Variants in C8A observed in about 807,000 individuals in gnomAD.
C8A encodes the protein complement component C8 alpha chain.
Under a neutral mutation model 65.3 loss-of-function variants are expected in C8A, and 67 were observed. That is an observed-to-expected ratio of 1.03 (90% CI 0.84 to 1.26). The LOEUF (loss-of-function observed/expected upper bound fraction) is 1.26. Among genes scored for constraint, C8A ranks in the 50% most tolerant of loss-of-function variants. The probability of loss-of-function intolerance (pLI) is 0.00; values close to 1 mark genes in which losing one functional copy is unlikely to be tolerated. For missense variants in C8A, 781 were observed against 723.9 expected (o/e 1.08, Z -0.90); for synonymous variants, 290 against 259.4 (o/e 1.12, Z -1.13).
intron 6 of C8A, among the ~76,000 whole-genome samples, chr1:56,885,380 T>TTAAATATATATTTAAATAAATA (rs1644286615): frequency 1.1e-5 from 1 of 94,622 alleles, no homozygotes; most frequent in Non-Finnish European, 2.1e-5. Flanking sequence ...TTATATTTAT[T>TTAAATATATATTTAAATAAATA]TAAATATATA....
intron 6 of C8A, among the ~76,000 whole-genome samples, chr1:56,885,339 TACATAA>T (rs1277859228): frequency 3.8e-5 from 5 of 131,680 alleles, no homozygotes; most frequent in South Asian, 4.9e-4. Context: ...AATATATATT[TACATAA>T]ATATATATTT....
At chr1:56,895,440 G>A (rs1367416705) in intron 7 of C8A, among the ~76,000 whole-genome samples, 1 of 152,074 alleles carries the variant, frequency 6.6e-6, no homozygotes, top group African/African-American at 2.4e-5. Context: ...GCTATTACTT[G>A]GTGAAGTCAA....
chr1:56,876,972 G>A (rs1433912669), intron 4 of C8A, among the ~76,000 whole-genome samples: 1 of 152,180 alleles, frequency 6.6e-6, no homozygotes, highest in Non-Finnish European at 1.5e-5. Flanking sequence ...TTAGGAAATA[G>A]GGATTTTAGA....
chr1:56,911,505 G>T (rs551467060), intron 9 of C8A, among the ~76,000 whole-genome samples: 1 of 152,202 alleles, frequency 6.6e-6, no homozygotes, highest in Non-Finnish European at 1.5e-5. Context: ...CTACTTCTCA[G>T]TCGAGGCAAT....
At chr1:56,914,800 C>T (rs777746587) in intron 10 of C8A, among the ~76,000 whole-genome samples, 1 of 152,118 alleles carries the variant, frequency 6.6e-6, no homozygotes, top group Non-Finnish European at 1.5e-5. Flanking sequence ...CTGCCCCCAC[C>T]CTGAGTAGCT....
intron 2 of C8A, among the ~76,000 whole-genome samples, chr1:56,869,872 G>A (rs567665856): frequency 1.3e-5 from 2 of 152,108 alleles, no homozygotes; most frequent in Non-Finnish European, 2.9e-5. Flanking sequence ...TGGTCATCCT[G>A]CCTCCAGACC....
chr1:56,901,008 G>T (rs1644422741), intron 7 of C8A, among the ~76,000 whole-genome samples: 1 of 152,132 alleles, frequency 6.6e-6, no homozygotes, highest in African/African-American at 2.4e-5. Flanking sequence ...AAGAGATAAA[G>T]GGACTTTCTA....
intron 7 of C8A, among the ~76,000 whole-genome samples, chr1:56,904,644 T>A (rs2284951): frequency 0.13 from 19,976 of 152,174 alleles, 1,370 homozygotes; most frequent in Non-Finnish European, 0.15. Context: ...ATTTTTTAAC[T>A]GTATGGCCTT....
intron 10 of C8A, among the ~76,000 whole-genome samples, chr1:56,913,362 T>C (rs1754537): frequency 0.1 from 15,605 of 152,264 alleles, 1,250 homozygotes; most frequent in African/African-American, 0.22. Context: ...CATTATAGTG[T>C]AAGAAGTTAT....
chr1:56,899,468 A>G (rs1332468129), intron 7 of C8A, among the ~76,000 whole-genome samples: 1 of 152,168 alleles, frequency 6.6e-6, no homozygotes, highest in Non-Finnish European at 1.5e-5. Context: ...ACTCCTTTCT[A>G]AAATGGGACT....
chr1:56,888,233 A>G (rs1171491925), intron 7 of C8A, among the ~76,000 whole-genome samples: 3 of 152,190 alleles, frequency 2.0e-5, no homozygotes, highest in East Asian at 1.9e-4. Flanking sequence ...CACTCAACAC[A>G]GGGGTTAATA....
At chr1:56,865,756 T>C (rs1644079772) in intron 1 of C8A, among the ~76,000 whole-genome samples, 1 of 152,200 alleles carries the variant, frequency 6.6e-6, no homozygotes, top group Non-Finnish European at 1.5e-5. Flanking sequence ...TGAGCTTCTA[T>C]GAGAAAATTA....
intron 4 of C8A, among the ~76,000 whole-genome samples, chr1:56,880,486 C>T (rs576348751): frequency 7.2e-5 from 11 of 152,074 alleles, no homozygotes; most frequent in African/African-American, 1.9e-4. Context: ...ATGCAGAGAG[C>T]TTCTAGACTG....
intron 7 of C8A, among the ~76,000 whole-genome samples, chr1:56,890,116 T>C (rs1644333054): frequency 1.3e-5 from 2 of 152,178 alleles, no homozygotes; most frequent in Admixed American, 1.3e-4. Context: ...TGCCAATATA[T>C]GTTGGACAGG....
intron 2 of C8A, among the ~76,000 whole-genome samples, chr1:56,872,559 G>A (rs113802628): frequency 0.02 from 3,004 of 152,164 alleles, 44 homozygotes; most frequent in Non-Finnish European, 0.031. Flanking sequence ...TGGGAAAAAG[G>A]GTGAACAGTC....
intron 10 of C8A, 133 bp from the exon 11 acceptor site, chr1:56,917,432 G>A: frequency 1.2e-6 from 1 of 836,276 alleles, no homozygotes; most frequent in Non-Finnish European, 2.0e-6. Context: ...CCAACAAGCT[G>A]CAGTCGACCA....
In C8A at chr1:56,875,179, A is replaced by C. The variant is rs1222550394; in HGVS notation, c.316+86A>C. On this transcript the variant is annotated intron_variant, in intron 3 of 10. Coordinates refer to ENST00000361249, the MANE Select transcript of C8A (RefSeq NM_000562.3). ...CCCCAGGGAGCTTATTAAAATGCAT[A>C]CTCCTGAGCCCTTCCTCTCGAGGTT... The C allele has an allele frequency of 4.8e-6, 7 of 1,461,092 alleles. No homozygotes were observed. In the Admixed American group the frequency reaches 1.1e-4, roughly 24 times the overall value. 90.5% of individuals were successfully genotyped at this position (1,461,092 alleles called of 1,614,324 possible).
intron 1 of C8A, among the ~76,000 whole-genome samples, chr1:56,859,958 G>A (rs1188504562): frequency 6.6e-6 from 1 of 152,172 alleles, no homozygotes; most frequent in Non-Finnish European, 1.5e-5. Flanking sequence ...AGCTGCTCGG[G>A]AGACTGAGGC....
intron 7 of C8A, among the ~76,000 whole-genome samples, chr1:56,898,869 G>C (rs973804652): frequency 3.9e-5 from 6 of 152,180 alleles, no homozygotes; most frequent in Non-Finnish European, 1.5e-5. Flanking sequence ...GTATCCTAAA[G>C]TTCTGAACTG....
Sources: gnomAD v4.1 joint callset for allele counts (sites outside exome capture counted in the v4.1 genomes callset) on GRCh38, gnomAD v4.1.1 for gene constraint, MANE v1.5 for transcripts, NCBI Gene and HGNC (gene_info 2026-07-23, HGNC 2026-07-21) for gene names.